The following ZNF212 variants were observed in gnomAD, a reference collection of about 807,000 sequenced individuals.
The protein encoded by ZNF212 is Zinc finger protein C2H2-150.
ZNF212 carries 32 observed loss-of-function variants against 47.3 expected under a neutral mutation model. That is an observed-to-expected ratio of 0.68 (90% CI 0.51 to 0.91). ZNF212 has a LOEUF of 0.91. Among genes scored for constraint, ZNF212 ranks in the 40% least tolerant of loss-of-function variants. The pLI, the probability that ZNF212 is intolerant of heterozygous loss-of-function variation, is 0.00. For missense variants in ZNF212, 555 were observed against 622.8 expected (o/e 0.89, Z 1.16); for synonymous variants, 242 against 253.8 (o/e 0.95, Z 0.44).
chr7:149,246,372 C>T (rs948629704), intron 1 of ZNF212, among the ~76,000 whole-genome samples: 2 of 151,752 alleles, frequency 1.3e-5, no homozygotes, highest in Non-Finnish European at 2.9e-5. Flanking sequence ...CCTCATATCC[C>T]TTTATAATCA....
intron 3 of ZNF212, among the ~76,000 whole-genome samples, chr7:149,251,559 C>T (rs1167629067): frequency 1.4e-5 from 2 of 139,428 alleles, no homozygotes; most frequent in African/African-American, 2.7e-5. Flanking sequence ...ACGATCTCGG[C>T]TCACTGCAGC....
chr7:149,251,957 A>G (rs1045145975), intron 3 of ZNF212, among the ~76,000 whole-genome samples: 1 of 151,632 alleles, frequency 6.6e-6, no homozygotes, highest in African/African-American at 2.4e-5. Flanking sequence ...AAAAAAAAAA[A>G]AAAAAAGATG....
chr7:149,246,263 T>C (rs1796674693), intron 1 of ZNF212, among the ~76,000 whole-genome samples: 1 of 152,254 alleles, frequency 6.6e-6, no homozygotes, highest in South Asian at 2.1e-4. Context: ...TTACATACAG[T>C]AAAATTTACT....
At chr7:149,244,492 T>C (rs1044692641) in intron 1 of ZNF212, among the ~76,000 whole-genome samples, 7 of 151,900 alleles carry the variant, frequency 4.6e-5, no homozygotes, top group African/African-American at 1.7e-4. Context: ...CTTTTGTATT[T>C]TTAGTAGAGA....
At chr7:149,245,514 G>C (rs779920118) in intron 1 of ZNF212, among the ~76,000 whole-genome samples, 1 of 152,068 alleles carries the variant, frequency 6.6e-6, no homozygotes, top group African/African-American at 2.4e-5. Context: ...GAGTGAGACC[G>C]TGTCTTTATT....
intron 1 of ZNF212, among the ~76,000 whole-genome samples, chr7:149,247,367 A>G (rs1349409100): frequency 6.6e-6 from 1 of 152,000 alleles, no homozygotes; most frequent in African/African-American, 2.4e-5. Context: ...TAGCCTCCCA[A>G]AGTGTTGGGA....
chr7:149,240,676 A>C (rs1225086110), intron 1 of ZNF212, among the ~76,000 whole-genome samples: 2 of 152,216 alleles, frequency 1.3e-5, no homozygotes, highest in African/African-American at 2.4e-5. Context: ...TAATTTAACA[A>C]CACCAGAGGG....
intron 1 of ZNF212, among the ~76,000 whole-genome samples, chr7:149,247,150 T>C (rs1444207336): frequency 6.7e-6 from 1 of 150,178 alleles, no homozygotes; most frequent in Non-Finnish European, 1.5e-5. Flanking sequence ...ACTTTGTCAC[T>C]CAGGCTGGAG....
In ZNF212 at chr7:149,250,533, G is replaced by C. The variant is rs1394992243; in HGVS notation, c.399G>C (p.Lys133Asn). Reference sequence around the variant, plus strand: ...TCCTGCGGCTGCCCCCGGGCAGCAAGGGGGAGGCCCCCAAGGTAGTCTCAT... The same window carrying C: ...TCCTGCGGCTGCCCCCGGGCAGCAACGGGGAGGCCCCCAAGGTAGTCTCAT... ...FWILRLPPGSKGEAPKVSRSL... is the reference protein window; with the variant it reads ...FWILRLPPGSNGEAPKVSRSL... Residue 133 changes from lysine (K) to asparagine (N), a missense_variant, in exon 2 of 5, where the codon AAG (lysine) becomes AAC (asparagine). By Grantham distance (94) the Lys-to-Asn change is moderately conservative (BLOSUM62 0). Transcript: ENST00000335870. 5 of 1,612,590 alleles carry C rather than the reference G, an allele frequency of 3.1e-6. No homozygotes were observed. The highest frequency in any genetic ancestry group is 4.2e-6 in the Non-Finnish European group (5 of 1,179,226).
chr7:149,243,433 CAAAAAAAAA>C (rs869068988), intron 1 of ZNF212, among the ~76,000 whole-genome samples: 43 of 56,014 alleles, frequency 7.7e-4, no homozygotes, highest in Non-Finnish European at 1.1e-3. Context: ...GACTCCGTCT[CAAAAAAAAA>C]AAAAAAAAAA....
rs1796734443 is a variant in ZNF212 at position 149,250,349 on chromosome 7, C to T, written c.215C>T (p.Ala72Val). The change falls in exon 2 of 5, where the codon GCC (alanine) becomes GTC (valine). Residue 72 changes from alanine (A) to valine (V), a missense_variant. Coordinates refer to ENST00000335870, the MANE Select transcript of ZNF212 (RefSeq NM_012256.4). The part of the protein sequence containing the change: ...LQSLEGRTGT[A>V]EKKLADCEKM... The stretch of plus-strand genomic sequence containing the variant: ...AGCCTGGAGGGGCGCACGGGGACAG[C>T]CGAGAAGAAGCTGGCTGACTGCGAG... 6.2e-6 allele frequency: 10 copies of T among 1,614,084 alleles called. No individual in the cohort carries two copies. Among genetic ancestry groups the T allele is most frequent in the Non-Finnish European group, 8.5e-6 (10 of 1,180,026 alleles).
chr7:149,239,671 A>ATGGCGGCGGCGG lies in ZNF212; in HGVS notation c.-108_-107insTGGCGGCGGCGG. On this transcript the variant is annotated 5_prime_UTR_variant, in exon 1 of 5. It adds an upstream start codon to the 5' untranslated region. Transcript: ENST00000335870. ...CTCCCAGAATGCACCTGGCATCAACACGGCGGCGGCGGCGGCGGCTTCCAA... is the reference window on the plus strand; with the variant it reads ...CTCCCAGAATGCACCTGGCATCAACATGGCGGCGGCGGCGGCGGCGGCGGCGGCGGCTTCCAA... 9.2e-7 allele frequency: 1 copy of ATGGCGGCGGCGG among 1,085,362 alleles called. No homozygotes were observed. Among genetic ancestry groups the ATGGCGGCGGCGG allele is most frequent in the Non-Finnish European group, 1.2e-6 (1 of 840,644 alleles). The allele number at this position is 1,085,362 out of a possible 1,614,324, so 67.2% of individuals were successfully genotyped here.
rs867130884 is a variant in ZNF212 at position 149,239,751 on chromosome 7, G to C, written c.-28G>C. On this transcript the variant is annotated 5_prime_UTR_variant, in exon 1 of 5. Transcript: ENST00000335870. ...CGCAGCACGGGGGCTCCGAGGCGGG[G>C]TCTGGGTGTTGAGGGGCGACTGGAG... 6 of 1,279,232 alleles carry C rather than the reference G, an allele frequency of 4.7e-6. No individual in the cohort carries two copies. The African/African-American group carries it at 6.1e-5, about 13-fold the overall frequency. The allele number at this position is 1,279,232 out of a possible 1,614,324, so 79.2% of individuals were successfully genotyped here.
Position 149,239,817 on chromosome 7 carries a change from G to T in ZNF212, c.24+15G>T. The T allele has an allele frequency of 1.6e-6, 2 of 1,273,298 alleles. No individual in the cohort carries two copies. The highest frequency in any genetic ancestry group is 6.8e-5 in the South Asian group (2 of 29,388). The allele number at this position is 1,273,298 out of a possible 1,614,324, so 78.9% of individuals were successfully genotyped here. On this transcript the variant is annotated intron_variant, in intron 1 of 4. Transcript: ENST00000335870. Reference sequence around the variant, plus strand: ...CGCCTGCTCGGGTAAAGAGGCACCGGCGCGCTGGCTCGAGGGCGCGTTGGG... The same window carrying T: ...CGCCTGCTCGGGTAAAGAGGCACCGTCGCGCTGGCTCGAGGGCGCGTTGGG...
At chr7:149,248,854 TAGAG>T (rs1254868023) in intron 1 of ZNF212, among the ~76,000 whole-genome samples, 3 of 152,238 alleles carry the variant, frequency 2.0e-5, no homozygotes, top group African/African-American at 7.2e-5. Context: ...CTTGAGTAAC[TAGAG>T]TAGGTCATGG....
Position 149,250,259 on chromosome 7 carries a change from G to GT in ZNF212, c.125_126insT (p.Trp42CysfsTer37). The stretch of plus-strand genomic sequence containing the variant: ...TTTCAGACCACCGAGATTTCACTCT[G>GT]GACGGTGGTGGCCGCTATTCAGGCT... On this transcript the variant is annotated frameshift_variant, in exon 2 of 5. Coordinates refer to ENST00000335870, the MANE Select transcript of ZNF212 (RefSeq NM_012256.4). LOFTEE classifies it high-confidence loss of function. 1 of 1,612,708 alleles carries GT rather than the reference G, an allele frequency of 6.2e-7. No homozygotes were observed. The highest frequency in any genetic ancestry group is 8.5e-7 in the Non-Finnish European group (1 of 1,179,214).
rs562920388 is a variant in ZNF212 at position 149,251,836 on chromosome 7, A to T, written c.542-870A>T. 6.0e-5 allele frequency among the ~76,000 whole-genome samples: 9 copies of T among 150,204 alleles called. No homozygotes were observed. The South Asian group carries it at 2.0e-3, about 33-fold the overall frequency. On this transcript the variant is annotated intron_variant, in intron 3 of 4. Transcript: ENST00000335870. Reference sequence around the variant, plus strand: ...TAAGACTATTTGAGATGGGTGTGGTAGCTCACATCTGTAATCCCAACACTT... The same window carrying T: ...TAAGACTATTTGAGATGGGTGTGGTTGCTCACATCTGTAATCCCAACACTT...
In ZNF212 at chr7:149,252,659, G is replaced by C. The variant is rs767391672; in HGVS notation, c.542-47G>C. 3.2e-6 allele frequency: 5 copies of C among 1,583,304 alleles called. No homozygotes were observed. The South Asian group carries it at 5.6e-5, about 18-fold the overall frequency. Reference sequence around the variant, plus strand: ...CACTGGCAGCTGATCAGTGTGCAGTGAGCTTTCACTCTCTCCTGGGCTCAC... The same window carrying C: ...CACTGGCAGCTGATCAGTGTGCAGTCAGCTTTCACTCTCTCCTGGGCTCAC... On this transcript the variant is annotated intron_variant, in intron 3 of 4. Transcript: ENST00000335870.
chr7:149,246,013 A>G (rs1796671005), intron 1 of ZNF212, among the ~76,000 whole-genome samples: 1 of 152,052 alleles, frequency 6.6e-6, no homozygotes, highest in Admixed American at 6.6e-5. Context: ...ACTTAGTTAT[A>G]TTTGGATTCC....
Sources: allele counts gnomAD v4.1 joint callset (sites outside exome capture counted in the v4.1 genomes callset), GRCh38; gene constraint gnomAD v4.1.1; transcripts MANE v1.5; gene names NCBI Gene and HGNC (gene_info 2026-07-23, HGNC 2026-07-21).